Variants in SYPL1 observed in about 807,000 individuals in gnomAD.
SYPL1 encodes synaptophysin-like protein 1.
SYPL1 carries 6 observed loss-of-function variants against 23.7 expected under a neutral mutation model. The observed-to-expected ratio is 0.25, with a 90% CI of 0.14 to 0.50. The LOEUF is 0.50. Among genes scored for constraint, SYPL1 ranks in the 20% least tolerant of loss-of-function variants. The pLI is 0.98. For synonymous variants in SYPL1, 102 were observed against 104.5 expected (o/e 0.98, Z 0.15); for missense variants, 253 against 288.9 (o/e 0.88, Z 0.90).
In SYPL1 at chr7:106,097,865, C is replaced by A. The variant is rs760405511; in HGVS notation, c.227G>T (p.Gly76Val). 10 of 1,613,122 alleles carry A rather than the reference C, an allele frequency of 6.2e-6. No homozygotes were observed. The highest frequency in any genetic ancestry group is 6.8e-6 in the Non-Finnish European group (8 of 1,179,464). ...LNEASFQPPP[G>V]VNICDVNWKD... The stretch of plus-strand genomic sequence containing the variant: ...CCAATTTACATCACATATGTTTACA[C>A]CTGGAGGTGGCTGAAATGATGCCTC... The change falls in exon 3 of 5, where the codon GGT (glycine) becomes GTT (valine). Residue 76 changes from glycine (G) to valine (V), a missense_variant. Coordinates refer to ENST00000455385, the MANE Select transcript of SYPL1 (RefSeq NM_182715.4). The surrounding 1 kb of genome is among the most constrained non-coding windows in gnomAD (Gnocchi z 4.6).
At chr7:106,101,103 C>CT (rs901057251) in intron 1 of SYPL1, among the ~76,000 whole-genome samples, 5 of 152,148 alleles carry the variant, frequency 3.3e-5, no homozygotes, top group African/African-American at 1.2e-4. Context: ...AGACCTTCCC[C>CT]TCACCACACT....
Position 106,095,157 on chromosome 7 carries a change from C to CA in SYPL1, c.403-2021dup, listed in dbSNP as rs773500017. On this transcript the variant is annotated intron_variant, in intron 3 of 4. Transcript: ENST00000455385. This position sits in a 1 kb window ranked among gnomAD's most constrained non-coding sequence, Gnocchi z 4.3. ...GAAACCTTAAACTCCTGCTACTTAA[C>CA]AAAAAAAAAAGTGCTATATTTACTT... is the stretch of plus-strand genomic sequence containing the variant. 5.7e-4 allele frequency among the ~76,000 whole-genome samples: 82 copies of CA among 144,322 alleles called. No individual in the cohort carries two copies. The highest frequency in any genetic ancestry group is 3.5e-3 in the Middle Eastern group (1 of 288). The allele number at this position is 144,322 out of a possible 152,430, so 94.7% of individuals were successfully genotyped here.
intron 4 of SYPL1, chr7:106,092,672 C>CAAAA (rs549863505): frequency 1.1e-3 from 305 of 271,402 alleles, no homozygotes; most frequent in South Asian, 2.0e-3. Flanking sequence ...AACTCCATCT[C>CAAAA]AAAAAAAAAA....
Position 106,112,225 on chromosome 7 carries a change from G to GA in SYPL1, c.-18_-17insT. On this transcript the variant is annotated 5_prime_UTR_variant, in exon 1 of 5. Coordinates refer to ENST00000455385, the MANE Select transcript of SYPL1 (RefSeq NM_182715.4). ...GCCGGACATCCTCTGAGGAAAGGAG[G>GA]GAGAGAGAGTCAGGACGACGGGGCG... 6.5e-7 allele frequency: 1 copy of GA among 1,534,242 alleles called. No homozygotes were observed. Among genetic ancestry groups the GA allele is most frequent in the Non-Finnish European group, 8.8e-7 (1 of 1,132,234 alleles).
At chr7:106,099,021 G>C in intron 2 of SYPL1, 137 bp downstream of exon 2, 2 of 1,045,822 alleles carry the variant, frequency 1.9e-6, no homozygotes, top group Non-Finnish European at 2.8e-6. Flanking sequence ...CCACAGTTTG[G>C]GAGGTAATGA....
rs1456970162 is a variant in SYPL1 at position 106,090,964 on chromosome 7, A to C, written c.*841T>G. On this transcript the variant is annotated 3_prime_UTR_variant, in exon 5 of 5. Transcript: ENST00000455385. ...ACCCTTTGACTAGGGTCTGTAAAAA[A>C]CGGTGGATTATTTTACTGTACTTAC... 6.6e-6 allele frequency: 1 copy of C among 152,256 alleles called. No individual in the cohort carries two copies. The highest frequency in any genetic ancestry group is 2.4e-5 in the African/African-American group (1 of 41,472). 9.4% of individuals were successfully genotyped at this position (152,256 alleles called of 1,614,324 possible).
upstream of SYPL1, chr7:106,112,395 T>G: frequency 7.5e-7 from 1 of 1,340,524 alleles, no homozygotes; most frequent in Non-Finnish European, 9.6e-7. Context: ...TGGCTGAGAC[T>G]CTGGGGCGGA....
intron 1 of SYPL1, among the ~76,000 whole-genome samples, chr7:106,107,330 A>C (rs1320706401): frequency 6.6e-6 from 1 of 152,208 alleles, no homozygotes; most frequent in African/African-American, 2.4e-5. Context: ...GTTTATTCCC[A>C]CTGGGAAATA....
intron 2 of SYPL1, among the ~76,000 whole-genome samples, chr7:106,098,717 C>A (rs1266931816): frequency 6.6e-6 from 1 of 152,186 alleles, no homozygotes. Context: ...TATGGAATCT[C>A]TTTATATACA....
intron 1 of SYPL1, among the ~76,000 whole-genome samples, chr7:106,102,104 T>G (rs1461975428): frequency 2.6e-5 from 4 of 151,992 alleles, no homozygotes; most frequent in African/African-American, 9.7e-5. Context: ...AACTTTTTTT[T>G]TTTTTTGAGA....
In SYPL1 at chr7:106,111,668, G is replaced by C. The variant is rs537811387; in HGVS notation, c.69+472C>G. Among the ~76,000 whole-genome samples, 15 of 152,306 alleles carry C rather than the reference G, an allele frequency of 9.8e-5. No individual in the cohort carries two copies. The South Asian group carries it at 3.1e-3, about 32-fold the overall frequency. ...AAAACAAATTAAGAACGGAATGCTC[G>C]CCAAATCACGTCTACAAGACAAAAT... On this transcript the variant is annotated intron_variant, in intron 1 of 4. Coordinates refer to ENST00000455385, the MANE Select transcript of SYPL1 (RefSeq NM_182715.4).
At chr7:106,106,948 C>T (rs1290477944) in intron 1 of SYPL1, among the ~76,000 whole-genome samples, 3 of 152,188 alleles carry the variant, frequency 2.0e-5, no homozygotes, top group Non-Finnish European at 4.4e-5. Flanking sequence ...TAGTATTCAC[C>T]TGGTTTATGA....
chr7:106,112,288 G>A lies in SYPL1; in HGVS notation c.-80C>T. The A allele has an allele frequency of 1.4e-6, 2 of 1,397,514 alleles. No individual in the cohort carries two copies. Among genetic ancestry groups the A allele is most frequent in the Non-Finnish European group, 1.9e-6 (2 of 1,059,104 alleles). The allele number at this position is 1,397,514 out of a possible 1,614,324, so 86.6% of individuals were successfully genotyped here. ...GACGAGACCAGAGCAGCCCGGTGGC[G>A]AGGAAGGGCAGGCGGGGCTGGCGCG... On this transcript the variant is annotated 5_prime_UTR_variant, in exon 1 of 5. Transcript: ENST00000455385.
Position 106,093,208 on chromosome 7 carries a change from A to G in SYPL1, c.403-71T>C, listed in dbSNP as rs1839846521. 2.2e-6 allele frequency: 3 copies of G among 1,357,806 alleles called. No homozygotes were observed. The East Asian group carries it at 7.6e-5, about 35-fold the overall frequency. 84.1% of individuals were successfully genotyped at this position (1,357,806 alleles called of 1,614,324 possible). A position where few individuals can be genotyped will look rare whatever the true frequency, so the allele number is the denominator to read the frequency against. On this transcript the variant is annotated intron_variant, in intron 3 of 4. Transcript: ENST00000455385. ...ATACTAAATTTCAAATCCATGATGA[A>G]GAAACTGAGATTACATTCAACCTTA...
chr7:106,095,974 G>A lies in SYPL1; in HGVS notation c.402+1716C>T, dbSNP rs1840000206. On this transcript the variant is annotated intron_variant, in intron 3 of 4. Transcript: ENST00000455385. The surrounding 1 kb of genome is among the most constrained non-coding windows in gnomAD (Gnocchi z 4.3). ...ACTAGACAAAATATGAGAAATAAAG[G>A]GCACACTGATAGATTTAGTAAAAAA... 6.6e-6 allele frequency among the ~76,000 whole-genome samples: 1 copy of A among 151,906 alleles called. No individual in the cohort carries two copies.
intron 1 of SYPL1, among the ~76,000 whole-genome samples, chr7:106,105,726 C>T (rs1840558297): frequency 6.6e-6 from 1 of 152,080 alleles, no homozygotes; most frequent in South Asian, 2.1e-4. Context: ...TGGGCATGCA[C>T]ATCAGAAGGT....
In SYPL1 at chr7:106,092,999, G is replaced by C. The variant is rs765167382; in HGVS notation, c.541C>G (p.Leu181Val). The change falls in exon 4 of 5, where the codon CTG becomes GTG. Residue 181 changes from leucine (L) to valine (V), a missense_variant. Physicochemically the swap from Leu to Val is conservative, Grantham distance 32. Coordinates refer to ENST00000455385, the MANE Select transcript of SYPL1 (RefSeq NM_182715.4). ...CTGGTCACAGAGCCAAAGTAACACAGTACTGCTTTCTTCTTACAAGGCGGA... is the reference window on the plus strand; with the variant it reads ...CTGGTCACAGAGCCAAAGTAACACACTACTGCTTTCTTCTTACAAGGCGGA... ...ELPPCKKKAVLCYFGSVTSMG... is the reference protein window; with the variant it reads ...ELPPCKKKAVVCYFGSVTSMG... 17 of 1,613,584 alleles carry C rather than the reference G, an allele frequency of 1.1e-5. No homozygotes were observed. In the African/African-American group the frequency reaches 1.6e-4, roughly 15 times the overall value.
intron 3 of SYPL1, among the ~76,000 whole-genome samples, chr7:106,094,931 T>C (rs1239939110): frequency 7.2e-5 from 11 of 152,182 alleles, no homozygotes; most frequent in Non-Finnish European, 1.6e-4. Flanking sequence ...AGATAGTATT[T>C]GCTCTACTCA....
intron 1 of SYPL1, among the ~76,000 whole-genome samples, chr7:106,102,966 T>C (rs1301558387): frequency 6.6e-6 from 1 of 152,082 alleles, no homozygotes; most frequent in African/African-American, 2.4e-5. Flanking sequence ...GATTGTTAAA[T>C]TCAACTACAG....
Sources: allele counts gnomAD v4.1 joint callset (sites outside exome capture counted in the v4.1 genomes callset), GRCh38; gene constraint gnomAD v4.1.1; non-coding constraint Gnocchi (gnomAD v3.1); transcripts MANE v1.5; gene names NCBI Gene and HGNC (gene_info 2026-07-23, HGNC 2026-07-21).